Variants in ATXN2L observed in about 807,000 individuals in gnomAD.
ATXN2L encodes the protein ataxin 2 like.
Under a neutral mutation model 120.7 loss-of-function variants are expected in ATXN2L, and 24 were observed. The observed-to-expected ratio is 0.20, with a 90% CI of 0.14 to 0.28. The LOEUF (loss-of-function observed/expected upper bound fraction) is 0.28. Ranked by LOEUF, ATXN2L falls within the 10% of genes least tolerant of loss-of-function variation. The pLI is 1.00. For missense variants in ATXN2L, 1,312 were observed against 1,432.3 expected (o/e 0.92, Z 1.36); for synonymous variants, 653 against 568.1 (o/e 1.15, Z -2.13).
At chr16:28,829,116 C>T (rs1053817029) in intron 6 of ATXN2L, among the ~76,000 whole-genome samples, 3 of 152,134 alleles carry the variant, frequency 2.0e-5, no homozygotes, top group Non-Finnish European at 4.4e-5. Flanking sequence ...TCTCCTCAAT[C>T]TCCTGAGTAG....
chr16:28,824,194 G>A, intron 1 of ATXN2L: 1 of 1,031,030 alleles, frequency 9.7e-7, no homozygotes. Context: ...GCATTCGCGC[G>A]CCCCGGGAAC....
chr16:28,833,019 G>A (rs546017091), intron 13 of ATXN2L, 40 bp from the exon 14 acceptor site: 6 of 1,603,870 alleles, frequency 3.7e-6, no homozygotes, highest in South Asian at 2.2e-5. Flanking sequence ...CAGGACTAGG[G>A]TCTGGGTCAG....
At position 28,835,915 on chromosome 16, in the gene ATXN2L, CT is replaced by C; in HGVS notation, c.2896-12del. On this transcript the variant is annotated splice_polypyrimidine_tract_variant and intron_variant, in intron 21 of 21. Coordinates refer to ENST00000336783, the MANE Select transcript of ATXN2L (RefSeq NM_007245.4). ...CAGGATTCTGTGGTCTTCCCGGCTA[CT>C]TTTTTGTTTTCCACAGGCCCATGTC... 2 of 1,548,940 alleles carry C rather than the reference CT, an allele frequency of 1.3e-6. No individual in the cohort carries two copies. Among genetic ancestry groups the C allele is most frequent in the Non-Finnish European group, 1.7e-6 (2 of 1,147,016 alleles).
At chr16:28,825,935 T>A in intron 4 of ATXN2L, 94 bp downstream of exon 4, 1 of 1,245,410 alleles carries the variant, frequency 8.0e-7, no homozygotes, top group Non-Finnish European at 1.2e-6. Flanking sequence ...GATGTCAGAG[T>A]ATGCCTTTAG....
chr16:28,835,174 C>T lies in ATXN2L; in HGVS notation c.2550C>T (p.Pro850=), dbSNP rs748121333. The change falls in exon 19 of 22, where the codon CCC becomes CCT. Residue 850 remains proline, a synonymous_variant. Coordinates refer to ENST00000336783, the MANE Select transcript of ATXN2L (RefSeq NM_007245.4). Reference sequence around the variant, plus strand: ...ACCCTTCTGCAGAGCAGCCTACCCCCCAAGCCCTTTATGGTGAGTCCTGCG... The same window carrying T: ...ACCCTTCTGCAGAGCAGCCTACCCCTCAAGCCCTTTATGGTGAGTCCTGCG... The part of the protein sequence containing the change: ...PQYPSAEQPT[P]QALYATVHQS... 5 of 1,612,092 alleles carry T rather than the reference C, an allele frequency of 3.1e-6. No individual in the cohort carries two copies. The highest frequency in any genetic ancestry group is 2.2e-5 in the East Asian group (1 of 44,880).
chr16:28,828,194 A>G (rs991900445), intron 6 of ATXN2L, among the ~76,000 whole-genome samples: 7 of 152,222 alleles, frequency 4.6e-5, no homozygotes, highest in African/African-American at 1.7e-4. Context: ...CACATGTGCC[A>G]GAATTTTTCT....
chr16:28,829,720 G>T (rs2053648329), intron 7 of ATXN2L, 138 bp from the exon 8 acceptor site: 1 of 920,264 alleles, frequency 1.1e-6, no homozygotes, highest in Non-Finnish European at 1.7e-6. Context: ...GATGCAGTCG[G>T]TGCCCGTTAC....
intron 5 of ATXN2L, 84 bp downstream of exon 5, chr16:28,826,474 T>C (rs373466665): frequency 1.4e-6 from 2 of 1,469,202 alleles, no homozygotes; most frequent in East Asian, 4.6e-5. Context: ...AACATGGTGA[T>C]GTGTTTGGTT....
rs1298893213 is a variant in ATXN2L at position 28,833,068 on chromosome 16, A to G, written c.1669A>G (p.Ser557Gly). ...TGTTTCTCTCTTCCAGCTTCAGCCC[A>G]GTAGCTCCCCTGAGAACAGCCTGGA... ...KFGAQFKLQP[S>G]SSPENSLDPF... The change falls in exon 14 of 22, where the codon AGT becomes GGT. Residue 557 changes from serine (S) to glycine (G), a missense_variant. Transcript: ENST00000336783. 1.2e-6 allele frequency: 2 copies of G among 1,613,932 alleles called. No homozygotes were observed. The highest frequency in any genetic ancestry group is 2.7e-5 in the African/African-American group (2 of 75,048).
Position 28,830,612 on chromosome 16 carries a change from C to T in ATXN2L, c.1035-3C>T, listed in dbSNP as rs1175358685. 2 of 1,560,634 alleles carry T rather than the reference C, an allele frequency of 1.3e-6. No homozygotes were observed. Among genetic ancestry groups the T allele is most frequent in the Non-Finnish European group, 1.7e-6 (2 of 1,154,056 alleles). On this transcript the variant is annotated splice_polypyrimidine_tract_variant and splice_region_variant and intron_variant, in intron 8 of 21. Transcript: ENST00000336783. ...CCTGGCCTTATTTGAACTCTTTCCT[C>T]AGGGAGGGGAAGTATATCCCTCTGC...
Position 28,836,416 on chromosome 16 carries a change from A to T in ATXN2L, c.*151A>T. 1.2e-6 allele frequency: 2 copies of T among 1,612,474 alleles called. No homozygotes were observed. Among genetic ancestry groups the T allele is most frequent in the Non-Finnish European group, 1.7e-6 (2 of 1,179,638 alleles). ...TTCCCTCCGTCCTCGCTCAGTTGTG[A>T]TCCAGCAGCCCCCCTCCCCACTGCC... On this transcript the variant is annotated 3_prime_UTR_variant, in exon 22 of 22. Transcript: ENST00000336783.
At position 28,835,979 on chromosome 16, in the gene ATXN2L, G is replaced by A; in HGVS notation, c.2942G>A (p.Gly981Glu). Residue 981 changes from glycine (G) to glutamate (E), a missense_variant, in exon 22 of 22, where the codon GGG (glycine) becomes GAG (glutamate). Physicochemically the swap from Gly to Glu is moderately conservative, Grantham distance 98 (BLOSUM62 -2). Coordinates refer to ENST00000336783, the MANE Select transcript of ATXN2L (RefSeq NM_007245.4). ...ACAGCAGCCCCGCCCCCTCACCCTGGGGCTCCCCACCCGCCCCAGGTGATG... is the reference window on the plus strand; with the variant it reads ...ACAGCAGCCCCGCCCCCTCACCCTGAGGCTCCCCACCCGCCCCAGGTGATG... ...GITAAPPPHP[G>E]APHPPQVMLL... The A allele has an allele frequency of 6.5e-7, 1 of 1,544,710 alleles. No homozygotes were observed. Among genetic ancestry groups the A allele is most frequent in the South Asian group, 1.2e-5 (1 of 80,518 alleles).
In ATXN2L at chr16:28,831,971, C is replaced by T. The variant is rs568832331; in HGVS notation, c.1322-234C>T. On this transcript the variant is annotated intron_variant, in intron 10 of 21. Transcript: ENST00000336783. Reference sequence around the variant, plus strand: ...TCTGTCAACTGAGCTTGCCTTGCTGCGTAGCTTGAGTTGACTGGAACAGAA... The same window carrying T: ...TCTGTCAACTGAGCTTGCCTTGCTGTGTAGCTTGAGTTGACTGGAACAGAA... Among the ~76,000 whole-genome samples, 251 of 152,310 alleles carry T rather than the reference C, an allele frequency of 1.6e-3. 3 individuals carry two copies. Among genetic ancestry groups the T allele is most frequent in the Non-Finnish European group, 2.2e-3 (152 of 68,024 alleles).
rs570631568 is a variant in ATXN2L, at chr16:28,826,942, G to A, written c.697G>A (p.Gly233Arg). ...AGAGAAGGTGCTTCAGCGCTGGGAGGGGGGTGACAGCAACAGCGACGACTA... is the reference window on the plus strand; with the variant it reads ...AGAGAAGGTGCTTCAGCGCTGGGAGAGGGGTGACAGCAACAGCGACGACTA... ...HKEKVLQRWE[G>R]GDSNSDDYDL... is the part of the protein sequence containing the mutation. The change falls in exon 6 of 22, where the codon GGG (glycine) becomes AGG (arginine). Residue 233 changes from glycine to arginine, a missense_variant. Physicochemically the swap from Gly to Arg is moderately radical, Grantham distance 125. Transcript: ENST00000336783. 1.3e-6 allele frequency: 2 copies of A among 1,586,544 alleles called. No individual in the cohort carries two copies. Among genetic ancestry groups the A allele is most frequent in the Non-Finnish European group, 8.6e-7 (1 of 1,162,834 alleles).
At chr16:28,828,211 T>C (rs769566007) in intron 6 of ATXN2L, among the ~76,000 whole-genome samples, 73 of 152,226 alleles carry the variant, frequency 4.8e-4, no homozygotes, top group Non-Finnish European at 9.6e-4. Context: ...TTCTGGGATG[T>C]CTTGGAAATA....
At position 28,823,146 on chromosome 16, in the gene ATXN2L, C is replaced by G; in HGVS notation, c.-114C>G. 1 of 619,816 alleles carries G rather than the reference C, an allele frequency of 1.6e-6. No homozygotes were observed. The highest frequency in any genetic ancestry group is 2.3e-6 in the Non-Finnish European group (1 of 429,124). 38.4% of individuals were successfully genotyped at this position (619,816 alleles called of 1,614,324 possible). On this transcript the variant is annotated 5_prime_UTR_variant, in exon 1 of 22. Transcript: ENST00000336783. ...CCGCGGGGCTCCCCCCGCCCGCCCACGGCGGGCCCCGGCTGCCCGATCCCC... is the reference window on the plus strand; with the variant it reads ...CCGCGGGGCTCCCCCCGCCCGCCCAGGGCGGGCCCCGGCTGCCCGATCCCC...
chr16:28,833,706 TGATCAGGG>T (rs141681863), intron 15 of ATXN2L, 198 bp downstream of exon 15: 215,466 of 623,416 alleles, frequency 0.35, 40,008 homozygotes, highest in Admixed American at 0.44. Flanking sequence ...TAGGTTTGGG[TGATCAGGG>T]GATCAGGGAT....
At chr16:28,835,519 T>A (rs56404918) in intron 20 of ATXN2L, 30 bp from the exon 21 acceptor site, 3 of 1,611,140 alleles carry the variant, frequency 1.9e-6, no homozygotes, top group Non-Finnish European at 2.5e-6. Flanking sequence ...TGCTGGCCTG[T>A]GTGGCACTCA....
rs1007218776 is a variant in ATXN2L, at chr16:28,825,266, G to C, written c.300-100G>C. 2.7e-6 allele frequency: 3 copies of C among 1,102,996 alleles called. No individual in the cohort carries two copies. In the Admixed American group the frequency reaches 6.2e-5, roughly 23 times the overall value. 68.3% of individuals were successfully genotyped at this position (1,102,996 alleles called of 1,614,324 possible). A position where few individuals can be genotyped will look rare whatever the true frequency, so the allele number is the denominator to read the frequency against. On this transcript the variant is annotated intron_variant, in intron 1 of 21. Coordinates refer to ENST00000336783, the MANE Select transcript of ATXN2L (RefSeq NM_007245.4). ...ATTAACAATTTTGTAGTCTAAATCA[G>C]CATCATCAGGTGGTATATACTTCTA...
Sources: allele counts gnomAD v4.1 joint callset (sites outside exome capture counted in the v4.1 genomes callset), GRCh38; gene constraint gnomAD v4.1.1; transcripts MANE v1.5; gene names NCBI Gene and HGNC (gene_info 2026-07-23, HGNC 2026-07-21).